Variants in SCAF11 observed in about 807,000 individuals in gnomAD.
The protein encoded by SCAF11 is SR-related CTD associated factor 11, also known as protein SCAF11.
A neutral mutation model predicts 140.5 loss-of-function variants in SCAF11; 47 were observed. The observed-to-expected ratio is 0.33, with a 90% CI of 0.26 to 0.43. The LOEUF (loss-of-function observed/expected upper bound fraction) is 0.43, where lower values mean the gene tolerates loss of function less well. Among genes scored for constraint, SCAF11 ranks in the 20% least tolerant of loss-of-function variants. The probability of loss-of-function intolerance (pLI) is 1.00; values close to 1 mark genes in which losing one functional copy is unlikely to be tolerated. For synonymous variants in SCAF11, 557 were observed against 579.4 expected (o/e 0.96, Z 0.55); for missense variants, 1,645 against 1,705.1 (o/e 0.96, Z 0.62).
intron 11 of SCAF11, among the ~76,000 whole-genome samples, chr12:45,925,388 A>C (rs1033962136): frequency 2.0e-5 from 3 of 152,104 alleles, no homozygotes; most frequent in Admixed American, 2.0e-4. Flanking sequence ...CCCCGTCTCT[A>C]CTAAAAAAAT....
At chr12:45,972,877 T>TAG (rs1946113998) in intron 1 of SCAF11, among the ~76,000 whole-genome samples, 3 of 55,318 alleles carry the variant, frequency 5.4e-5, no homozygotes, top group African/African-American at 1.8e-4. Context: ...TATATATATA[T>TAG]ATAGATATAT....
At chr12:45,964,265 G>C in intron 1 of SCAF11, 77 bp from the exon 2 acceptor site, 1 of 717,576 alleles carries the variant, frequency 1.4e-6, no homozygotes. Context: ...ATCCTAAACT[G>C]TAAGAAATTA....
chr12:45,965,752 T>A (rs887296945), intron 1 of SCAF11, among the ~76,000 whole-genome samples: 5 of 152,190 alleles, frequency 3.3e-5, no homozygotes, highest in Non-Finnish European at 7.3e-5. Flanking sequence ...TCTGAATGGG[T>A]TTTTCTATTA....
In SCAF11 at chr12:45,928,216, G is replaced by C. The variant is rs763816328; in HGVS notation, c.1485C>G (p.Leu495=). The C allele has an allele frequency of 1.9e-6, 3 of 1,613,868 alleles. No individual in the cohort carries two copies. Among genetic ancestry groups the C allele is most frequent in the Middle Eastern group, 1.7e-4 (1 of 6,060 alleles). Residue 495 remains leucine, a synonymous_variant, in exon 11 of 15, where the codon CTC becomes CTG. Transcript: ENST00000369367. ...CATTAGCCTCTATACCTGTATTCTCGAGTTTTTTAACTTCCCCTTCCTCAC... is the reference window on the plus strand; with the variant it reads ...CATTAGCCTCTATACCTGTATTCTCCAGTTTTTTAACTTCCCCTTCCTCAC... ...LVGEEGEVKK[L]ENTGIEANVL... is the part of the protein sequence containing the mutation.
rs1457792872 is a variant in SCAF11 at position 45,928,077 on chromosome 12, A to G, written c.1624T>C (p.Cys542Arg). The change falls in exon 11 of 15, where the codon TGT (cysteine) becomes CGT (arginine). Residue 542 changes from cysteine (C) to arginine (R), a missense_variant. Physicochemically the swap from Cys to Arg is radical, Grantham distance 180 (BLOSUM62 -3). Around this residue, in one of 2 missense-constraint regions of SCAF11, gnomAD observed 1,582 missense variants for 1,609.2 expected, o/e 0.98. Coordinates refer to ENST00000369367, the MANE Select transcript of SCAF11 (RefSeq NM_004719.3). ...LSQSEVKTDV[C>R]TVHLPNDFPT... ...AAATCATTTGGAAGATGAACTGTAC[A>G]TACATCTGTCTTTACCTCTGATTGT... is the stretch of plus-strand genomic sequence containing the variant. 5 of 1,613,880 alleles carry G rather than the reference A, an allele frequency of 3.1e-6. No homozygotes were observed. In the East Asian group the frequency reaches 8.9e-5, roughly 29 times the overall value.
At chr12:45,949,067 T>C (rs1247849423) in intron 4 of SCAF11, among the ~76,000 whole-genome samples, 1 of 152,222 alleles carries the variant, frequency 6.6e-6, no homozygotes, top group African/African-American at 2.4e-5. Flanking sequence ...GTAAGCGGAC[T>C]TTTTAAAGCA....
At position 45,923,058 on chromosome 12, in the gene SCAF11, G is replaced by A. The variant is rs767066136; in HGVS notation, c.4003C>T (p.Pro1335Ser). The change falls in exon 13 of 15, where the codon CCA becomes TCA. Residue 1335 changes from proline (P) to serine (S), a missense_variant. Around this residue, in one of 2 missense-constraint regions of SCAF11, gnomAD observed 1,582 missense variants for 1,609.2 expected, o/e 0.98. Transcript: ENST00000369367. ...APGNTGMVQG[P>S]SSGNTSSSSH... ...GATGACGAAGTATTACCAGAACTTG[G>A]TCCCTGAACCATTCCCGTATTTCCT... 42 of 1,614,094 alleles carry A rather than the reference G, an allele frequency of 2.6e-5. No individual in the cohort carries two copies. The highest frequency in any genetic ancestry group is 3.3e-4 in the Middle Eastern group (2 of 6,062).
intron 3 of SCAF11, 71 bp from the exon 4 acceptor site, chr12:45,951,798 A>T: frequency 1.0e-6 from 1 of 978,346 alleles, no homozygotes; most frequent in Non-Finnish European, 1.5e-6. Flanking sequence ...ACAATTATAA[A>T]TTTTCCATAA....
chr12:45,988,132 T>TA (rs1316930601), intron 1 of SCAF11, among the ~76,000 whole-genome samples: 1 of 152,320 alleles, frequency 6.6e-6, no homozygotes, highest in East Asian at 1.9e-4. Context: ...AGAGTATAAT[T>TA]AAAAATCTGG....
chr12:45,932,987 G>A, intron 9 of SCAF11, 144 bp downstream of exon 9: 1 of 558,404 alleles, frequency 1.8e-6, no homozygotes, highest in Non-Finnish European at 3.1e-6. Context: ...ATCTTTATTG[G>A]GCATTTGAAA....
chr12:45,950,056 C>G (rs1945514336), intron 4 of SCAF11, among the ~76,000 whole-genome samples: 1 of 152,148 alleles, frequency 6.6e-6, no homozygotes, highest in Admixed American at 6.6e-5. Flanking sequence ...TACATACTTA[C>G]ATACATACCC....
intron 3 of SCAF11, among the ~76,000 whole-genome samples, chr12:45,957,388 G>A (rs1312953901): frequency 6.6e-6 from 1 of 152,092 alleles, no homozygotes; most frequent in Non-Finnish European, 1.5e-5. Context: ...TATAAGTCAA[G>A]AACTCACATC....
rs1411074289 is a variant in SCAF11, at chr12:45,934,197, G to A, written c.611C>T (p.Ser204Phe). The A allele has an allele frequency of 2.5e-5, 40 of 1,595,398 alleles. No homozygotes were observed. The highest frequency in any genetic ancestry group is 3.4e-5 in the Non-Finnish European group (40 of 1,164,638). ...TAACCAATAAGCTCTATAGGTAAAGGAAGATTCTCCAGAGTGGCTAACAGA... is the reference window on the plus strand; with the variant it reads ...TAACCAATAAGCTCTATAGGTAAAGAAAGATTCTCCAGAGTGGCTAACAGA... ...FSSVSHSGES[S>F]FTYRAYCTEF... The change falls in exon 8 of 15, where the codon TCC becomes TTC. Residue 204 changes from serine (S) to phenylalanine (F), a missense_variant. Around this residue, in one of 2 missense-constraint regions of SCAF11, gnomAD observed 1,582 missense variants for 1,609.2 expected, o/e 0.98. Transcript: ENST00000369367.
At chr12:45,962,352 T>C (rs1007319901) in intron 2 of SCAF11, among the ~76,000 whole-genome samples, 2 of 152,236 alleles carry the variant, frequency 1.3e-5, no homozygotes, top group Admixed American at 6.5e-5. Context: ...TTTCAACTTT[T>C]GGCTATGACA....
chr12:45,984,114 T>C lies in SCAF11; in HGVS notation c.-22+6239A>G, dbSNP rs139671527. Among the ~76,000 whole-genome samples the C allele has an allele frequency of 5.4e-4, 82 of 152,296 alleles. No individual in the cohort carries two copies. The East Asian group carries it at 0.011, about 21-fold the overall frequency. ...GTGAGCAAAATGCTCATGTTACGAA[T>C]AGTGAGGGAACCCAGATTAAGATTC... On this transcript the variant is annotated intron_variant, in intron 1 of 14. Coordinates refer to ENST00000369367, the MANE Select transcript of SCAF11 (RefSeq NM_004719.3).
intron 1 of SCAF11, among the ~76,000 whole-genome samples, chr12:45,986,461 A>C (rs888684371): frequency 6.6e-6 from 1 of 152,074 alleles, no homozygotes; most frequent in African/African-American, 2.4e-5. Context: ...TCTCTCCCAG[A>C]CTACTAAAAA....
At position 45,931,488 on chromosome 12, in the gene SCAF11, T is replaced by C. The variant is rs1945043897; in HGVS notation, c.841+18A>G. On this transcript the variant is annotated intron_variant, in intron 10 of 14. Coordinates refer to ENST00000369367, the MANE Select transcript of SCAF11 (RefSeq NM_004719.3). ...TAATAATAATTTTTAAAATAGAAAA[T>C]GATTTCACAAACTTTACCAAAATGT... is the stretch of plus-strand genomic sequence containing the variant. 1.6e-6 allele frequency: 2 copies of C among 1,234,454 alleles called. No homozygotes were observed. Among genetic ancestry groups the C allele is most frequent in the Non-Finnish European group, 2.2e-6 (2 of 918,918 alleles). 76.5% of individuals were successfully genotyped at this position (1,234,454 alleles called of 1,614,324 possible).
intron 1 of SCAF11, among the ~76,000 whole-genome samples, chr12:45,989,457 G>A (rs1946538766): frequency 6.6e-6 from 1 of 152,224 alleles, no homozygotes; most frequent in African/African-American, 2.4e-5. Context: ...GACACTGTAT[G>A]TAATACAATA....
At chr12:45,984,023 G>A (rs1978598) in intron 1 of SCAF11, among the ~76,000 whole-genome samples, 5 of 152,090 alleles carry the variant, frequency 3.3e-5, no homozygotes, top group African/African-American at 4.8e-5. Context: ...AAAGGAATAA[G>A]TATAAACTTT....
Sources: gnomAD v4.1 joint callset for allele counts (sites outside exome capture counted in the v4.1 genomes callset) on GRCh38, gnomAD v4.1.1 for gene constraint, gnomAD v4.1.1 regional missense constraint, MANE v1.5 for transcripts, NCBI Gene and HGNC (gene_info 2026-07-23, HGNC 2026-07-21) for gene names.